Variants in NOD1 observed in about 807,000 individuals in gnomAD.
NOD1 encodes the protein nucleotide binding oligomerization domain containing 1.
NOD1 carries 70 observed loss-of-function variants against 81.2 expected under a neutral mutation model. That is an observed-to-expected ratio of 0.86 (90% CI 0.71 to 1.05). NOD1 has a LOEUF of 1.05. NOD1 is among the 50% of genes least tolerant of loss of function. NOD1 has a pLI of 0.00. For missense variants in NOD1, 1,233 were observed against 1,228.0 expected, an observed-to-expected ratio of 1.00 and a Z score of -0.06; for synonymous variants, 508 against 526.9, an observed-to-expected ratio of 0.96 and a Z score of 0.49.
At chr7:30,468,995 C>T (rs1787987098) in intron 1 of NOD1, 1 of 985,320 alleles carries the variant, frequency 1.0e-6, no homozygotes, top group African/African-American at 1.7e-5. Context: ...CTGGCAGGAG[C>T]CAGCACCAAG....
Position 30,452,852 on chromosome 7 carries a change from C to A in NOD1, c.565G>T (p.Gly189Cys). Residue 189 changes from glycine (G) to cysteine (C), a missense_variant, in exon 6 of 14, where the codon GGC becomes TGC. Transcript: ENST00000222823. ...SLACLLDHTT[G>C]ILNEQGETIF... ...GTCTCACCCTGCTCATTGAGGATGC[C>A]GGTGGTGTGGTCCAGGAGGCAGGCC... The A allele has an allele frequency of 1.2e-6, 2 of 1,614,094 alleles. No homozygotes were observed.
Position 30,451,550 on chromosome 7 carries a change from G to A in NOD1, c.1867C>T (p.His623Tyr), listed in dbSNP as rs949587672. Residue 623 changes from histidine (H) to tyrosine (Y), a missense_variant, in exon 6 of 14, where the codon CAC becomes TAC. Physicochemically the swap from His to Tyr is moderately conservative, Grantham distance 83. Transcript: ENST00000222823. This position sits in a 1 kb window ranked among gnomAD's most constrained non-coding sequence, Gnocchi z 4.2. ...LRRKRKALWA[H>Y]LFSSLRGYLK... is the part of the protein sequence containing the mutation. ...TAGCCCCGCAGGCTGGAAAACAGGT[G>A]TGCCCACAGGGCCTTGCGCTTTCTC... 5 of 1,613,150 alleles carry A rather than the reference G, an allele frequency of 3.1e-6. No individual in the cohort carries two copies. The African/African-American group carries it at 5.3e-5, about 17-fold the overall frequency.
At chr7:30,450,213 G>C (rs753594309) in intron 6 of NOD1, among the ~76,000 whole-genome samples, 2 of 152,148 alleles carry the variant, frequency 1.3e-5, no homozygotes, top group Non-Finnish European at 2.9e-5. Context: ...AAAAAAAGAT[G>C]GACAGAGGGT....
In NOD1 at chr7:30,433,198, G is replaced by A. The variant is rs1197051328; in HGVS notation, c.2622-19C>T. 1 of 1,597,440 alleles carries A rather than the reference G, an allele frequency of 6.3e-7. No individual in the cohort carries two copies. ...GGTCAGCCTAAGGAAAAAAAAGGAA[G>A]TATTTACTCAAGAGAGCCTACTTGG... is the stretch of plus-strand genomic sequence containing the variant. On this transcript the variant is annotated intron_variant, in intron 11 of 13. Coordinates refer to ENST00000222823, the MANE Select transcript of NOD1 (RefSeq NM_006092.4).
intron 9 of NOD1, among the ~76,000 whole-genome samples, chr7:30,438,773 T>C (rs571354807): frequency 1.3e-5 from 2 of 152,338 alleles, no homozygotes; most frequent in Non-Finnish European, 2.9e-5. Context: ...AGGATACATA[T>C]AGTCTCACCC....
intron 12 of NOD1, among the ~76,000 whole-genome samples, chr7:30,431,400 A>C (rs1360643981): frequency 6.6e-6 from 1 of 152,258 alleles, no homozygotes; most frequent in Non-Finnish European, 1.5e-5. Flanking sequence ...TCCTGATTTC[A>C]AAATGTACTA....
At chr7:30,456,480 G>A (rs1422682039) in intron 4 of NOD1, among the ~76,000 whole-genome samples, 9 of 152,160 alleles carry the variant, frequency 5.9e-5, no homozygotes, top group Non-Finnish European at 4.4e-5. Flanking sequence ...AAGTGTCTGG[G>A]AACCAATACA....
chr7:30,448,468 A>T, intron 6 of NOD1, 87 bp from the exon 7 acceptor site: 3 of 1,140,518 alleles, frequency 2.6e-6, no homozygotes, highest in African/African-American at 1.5e-5. Context: ...AGAAGCCTTC[A>T]GGCCCTGGAG....
At position 30,452,878 on chromosome 7, in the gene NOD1, A is replaced by C; in HGVS notation, c.539T>G (p.Leu180Arg). ...GGTGGTGTGGTCCAGGAGGCAGGCC[A>C]GGCTGTTCAGGCTGCCCAGGCTCTC... is the stretch of plus-strand genomic sequence containing the variant. ...SNESLGSLNSLACLLDHTTGI... is the reference protein window; with the variant it reads ...SNESLGSLNSRACLLDHTTGI... Residue 180 changes from leucine (L) to arginine (R), a missense_variant, in exon 6 of 14, where the codon CTG (leucine) becomes CGG (arginine). By Grantham distance (102) the Leu-to-Arg change is moderately radical. Transcript: ENST00000222823. 1 of 1,614,080 alleles carries C rather than the reference A, an allele frequency of 6.2e-7. No individual in the cohort carries two copies. The highest frequency in any genetic ancestry group is 1.1e-5 in the South Asian group (1 of 91,084).
chr7:30,470,782 C>T (rs2128104095), intron 1 of NOD1, among the ~76,000 whole-genome samples: 1 of 152,140 alleles, frequency 6.6e-6, no homozygotes, highest in Admixed American at 6.5e-5. Flanking sequence ...CTCTGAGGGG[C>T]CAGTGAATAA....
intron 9 of NOD1, among the ~76,000 whole-genome samples, chr7:30,445,278 TAAAAAAAAAA>T (rs55875433): frequency 2.9e-5 from 2 of 69,176 alleles, no homozygotes; most frequent in Admixed American, 1.7e-4. Context: ...AAAAAGAATC[TAAAAAAAAAA>T]AAAAAAAAAA....
chr7:30,425,541 G>A lies in NOD1; in HGVS notation c.*97C>T, dbSNP rs1339774048. The A allele has an allele frequency of 8.0e-6, 7 of 875,152 alleles. No individual in the cohort carries two copies. The highest frequency in any genetic ancestry group is 7.3e-5 in the East Asian group (3 of 41,280). 54.2% of individuals were successfully genotyped at this position (875,152 alleles called of 1,614,324 possible). ...GTGGACTCCTGATAGTCCCGCCTGC[G>A]CAGGCCCCTTTAAGACACTGACACA... On this transcript the variant is annotated 3_prime_UTR_variant, in exon 14 of 14. Coordinates refer to ENST00000222823, the MANE Select transcript of NOD1 (RefSeq NM_006092.4).
intron 9 of NOD1, among the ~76,000 whole-genome samples, chr7:30,438,976 A>G (rs1163806266): frequency 6.6e-6 from 1 of 152,228 alleles, no homozygotes; most frequent in African/African-American, 2.4e-5. Context: ...TTGTAATCCA[A>G]TAAAAATTAT....
intron 9 of NOD1, among the ~76,000 whole-genome samples, chr7:30,438,816 C>G (rs1309440554): frequency 3.3e-5 from 5 of 152,164 alleles, no homozygotes; most frequent in Non-Finnish European, 7.3e-5. Flanking sequence ...AGTCTCACCC[C>G]TACTATATTT....
intron 12 of NOD1, among the ~76,000 whole-genome samples, chr7:30,432,785 C>A (rs1252723588): frequency 6.6e-6 from 1 of 152,158 alleles, no homozygotes; most frequent in Non-Finnish European, 1.5e-5. Flanking sequence ...AACACAGAGA[C>A]AAAAGGTCAC....
In NOD1 at chr7:30,452,001, C is replaced by T; in HGVS notation, c.1416G>A (p.Glu472=). ...CCTGGGTGAAGACAAAGAGGCTCTT[C>T]TCCATGCCCCGGTGGGCCACCTGCC... ...SLGQVAHRGM[E]KSLFVFTQEE... The change falls in exon 6 of 14, where the codon GAG becomes GAA. Residue 472 remains glutamate (E), a synonymous_variant. Transcript: ENST00000222823. 1.2e-6 allele frequency: 2 copies of T among 1,613,574 alleles called. No homozygotes were observed. The highest frequency in any genetic ancestry group is 2.2e-5 in the South Asian group (2 of 91,084).
chr7:30,449,190 C>T (rs898876106), intron 6 of NOD1, among the ~76,000 whole-genome samples: 3 of 152,178 alleles, frequency 2.0e-5, no homozygotes, highest in East Asian at 1.9e-4. Context: ...CAATTAAAAG[C>T]TTGATTTTTA....
chr7:30,435,377 C>G (rs1784294560), intron 11 of NOD1, among the ~76,000 whole-genome samples: 1 of 152,064 alleles, frequency 6.6e-6, no homozygotes, highest in Non-Finnish European at 1.5e-5. Flanking sequence ...GGAAGTTGGC[C>G]TCTGCTAAGC....
rs1783373875 is a variant in NOD1 at position 30,425,580 on chromosome 7, A to C, written c.*58T>G. 2.4e-6 allele frequency: 3 copies of C among 1,242,544 alleles called. No individual in the cohort carries two copies. The Admixed American group carries it at 5.0e-5, about 21-fold the overall frequency. 77.0% of individuals were successfully genotyped at this position (1,242,544 alleles called of 1,614,324 possible). A position where few individuals can be genotyped will look rare whatever the true frequency, so the allele number is the denominator to read the frequency against. Reference sequence around the variant, plus strand: ...GACACTGACACAAAAGACTGCCCAGAGTGGCATTTGCTGCTGAGGCTCCAG... The same window carrying C: ...GACACTGACACAAAAGACTGCCCAGCGTGGCATTTGCTGCTGAGGCTCCAG... On this transcript the variant is annotated 3_prime_UTR_variant, in exon 14 of 14. Transcript: ENST00000222823.
Sources: allele counts gnomAD v4.1 joint callset (sites outside exome capture counted in the v4.1 genomes callset), GRCh38; gene constraint gnomAD v4.1.1; non-coding constraint Gnocchi (gnomAD v3.1); transcripts MANE v1.5; gene names NCBI Gene and HGNC (gene_info 2026-07-23, HGNC 2026-07-21).